ENTREP2: variants seen among roughly 807,000 people sequenced by gnomAD.
ENTREP2 encodes endosomal transmembrane epsin interactor 2.
chr15:29,293,541 C>T, the ENTREP2 span, among the ~76,000 whole-genome samples: 2 of 152,128 alleles, frequency 1.3e-5, no homozygotes, highest in African/African-American at 2.4e-5. Flanking sequence ...CAGGCATGAG[C>T]CACCGCGCCC....
the ENTREP2 span, among the ~76,000 whole-genome samples, chr15:29,161,780 A>G: frequency 1.3e-5 from 2 of 152,228 alleles, no homozygotes; most frequent in Non-Finnish European, 2.9e-5. Flanking sequence ...ACCTTTAAGT[A>G]AAGTAATGCA....
At chr15:29,194,782 T>G in the ENTREP2 span, among the ~76,000 whole-genome samples, 10 of 152,184 alleles carry the variant, frequency 6.6e-5, no homozygotes, top group East Asian at 1.7e-3. Flanking sequence ...TGGAGAGTCA[T>G]GAAAACCGGG....
the ENTREP2 span, among the ~76,000 whole-genome samples, chr15:29,655,290 G>C: frequency 1.3e-5 from 2 of 152,100 alleles, no homozygotes; most frequent in African/African-American, 4.8e-5. Context: ...TATGCACAAG[G>C]TAAAACTAGA....
the ENTREP2 span, among the ~76,000 whole-genome samples, chr15:29,339,836 G>A: frequency 6.6e-6 from 1 of 152,358 alleles, no homozygotes; most frequent in East Asian, 1.9e-4. Flanking sequence ...AAGATGGGAC[G>A]TGGGTGAAGG....
At chr15:29,530,623 C>T in the ENTREP2 span, among the ~76,000 whole-genome samples, 5 of 152,214 alleles carry the variant, frequency 3.3e-5, no homozygotes, top group African/African-American at 7.2e-5. Flanking sequence ...TCCTGCTGTG[C>T]GGCTGCCGTC....
the ENTREP2 span, among the ~76,000 whole-genome samples, chr15:29,360,507 G>C: frequency 6.6e-6 from 1 of 152,146 alleles, no homozygotes; most frequent in Non-Finnish European, 1.5e-5. Context: ...TTTGATATCT[G>C]TACAAACAAG....
the ENTREP2 span, among the ~76,000 whole-genome samples, chr15:29,309,599 G>C: frequency 1.3e-5 from 2 of 151,980 alleles, no homozygotes; most frequent in Admixed American, 6.6e-5. Context: ...GGCCAGCACG[G>C]CCGACATGGC....
At chr15:29,371,205 C>A in the ENTREP2 span, among the ~76,000 whole-genome samples, 1 of 152,082 alleles carries the variant, frequency 6.6e-6, no homozygotes, top group Non-Finnish European at 1.5e-5. Flanking sequence ...CTTCATCCCC[C>A]AGGAAGACTA....
chr15:29,665,652 C>G, the ENTREP2 span, among the ~76,000 whole-genome samples: 1 of 152,134 alleles, frequency 6.6e-6, no homozygotes, highest in African/African-American at 2.4e-5. Context: ...TGCCAGCTGC[C>G]ATGCAACCAT....
chr15:29,632,956 C>T, the ENTREP2 span, among the ~76,000 whole-genome samples: 1 of 152,176 alleles, frequency 6.6e-6, no homozygotes, highest in Non-Finnish European at 1.5e-5. Flanking sequence ...CACTGTGAGA[C>T]AAGTTGCATG....
At chr15:29,452,106 A>G in the ENTREP2 span, among the ~76,000 whole-genome samples, 1 of 152,142 alleles carries the variant, frequency 6.6e-6, no homozygotes. Flanking sequence ...TATATAGACA[A>G]CTCTCAATTA....
At chr15:29,371,188 G>A in the ENTREP2 span, among the ~76,000 whole-genome samples, 5 of 152,034 alleles carry the variant, frequency 3.3e-5, no homozygotes, top group Non-Finnish European at 7.4e-5. Flanking sequence ...CTTCCCTCTT[G>A]AGCCTGCTTC....
the ENTREP2 span, among the ~76,000 whole-genome samples, chr15:29,636,619 C>T: frequency 6.6e-5 from 10 of 152,330 alleles, no homozygotes; most frequent in South Asian, 4.1e-4. Flanking sequence ...CCTGATACGA[C>T]GCTCCTGCCA....
the ENTREP2 span, among the ~76,000 whole-genome samples, chr15:29,507,261 T>C: frequency 2.0e-5 from 3 of 152,196 alleles, no homozygotes; most frequent in Admixed American, 2.0e-4. Flanking sequence ...ATAAAGCAAG[T>C]TCTTAGAGAC....
chr15:29,550,951 C>T, the ENTREP2 span, among the ~76,000 whole-genome samples: 6 of 152,142 alleles, frequency 3.9e-5, no homozygotes, highest in Non-Finnish European at 7.3e-5. Context: ...ATATGAGAAT[C>T]CATGGGTGCA....
the ENTREP2 span, among the ~76,000 whole-genome samples, chr15:29,314,135 T>C: frequency 6.6e-6 from 1 of 152,220 alleles, no homozygotes; most frequent in African/African-American, 2.4e-5. Flanking sequence ...AGTTGTTTCT[T>C]GAGATGGAAT....
At chr15:29,577,459 T>C in the ENTREP2 span, among the ~76,000 whole-genome samples, 1 of 151,894 alleles carries the variant, frequency 6.6e-6, no homozygotes, top group Non-Finnish European at 1.5e-5. Context: ...ACTCAGGCAA[T>C]CCTCTCACCT....
chr15:29,159,708 C>T, the ENTREP2 span, among the ~76,000 whole-genome samples: 94 of 151,916 alleles, frequency 6.2e-4, no homozygotes, highest in African/African-American at 1.5e-3. Context: ...TACAGAGTGT[C>T]GATTGGTGCA....
the ENTREP2 span, among the ~76,000 whole-genome samples, chr15:29,407,613 C>G: frequency 1.3e-5 from 2 of 152,114 alleles, no homozygotes; most frequent in Admixed American, 6.5e-5. Flanking sequence ...AAGGAGGGAG[C>G]AGGTGACCTG....
Sources: allele counts gnomAD v4.1 joint callset (sites outside exome capture counted in the v4.1 genomes callset), GRCh38; gene constraint gnomAD v4.1.1; transcripts MANE v1.5; gene names NCBI Gene and HGNC (gene_info 2026-07-23, HGNC 2026-07-21).